Variants in MEGF11 observed in about 807,000 individuals in gnomAD.
MEGF11 encodes multiple epidermal growth factor-like domains protein 11.
MEGF11 carries 126 observed loss-of-function variants against 146.6 expected under a neutral mutation model. That is an observed-to-expected ratio of 0.86 (90% CI 0.74 to 1.00). The LOEUF is 1.00. MEGF11 is among the 50% of genes least tolerant of loss of function. MEGF11 has a pLI of 0.00. For missense variants in MEGF11, 1,509 were observed against 1,521.2 expected, an observed-to-expected ratio of 0.99 and a Z score of 0.13; for synonymous variants, 532 against 583.4, an observed-to-expected ratio of 0.91 and a Z score of 1.27.
At chr15:66,155,370 G>T (rs2089720102) in intron 1 of MEGF11, among the ~76,000 whole-genome samples, 1 of 152,190 alleles carries the variant, frequency 6.6e-6, no homozygotes, top group South Asian at 2.1e-4. Flanking sequence ...AAGAGGCCGG[G>T]TGAACCCTAA....
At chr15:66,112,807 G>C (rs1725860387) in intron 4 of MEGF11, among the ~76,000 whole-genome samples, 1 of 152,132 alleles carries the variant, frequency 6.6e-6, no homozygotes, top group East Asian at 1.9e-4. Flanking sequence ...AATGTCACAG[G>C]CAGCTTAACT....
chr15:66,122,810 G>T (rs1349345556), intron 3 of MEGF11, among the ~76,000 whole-genome samples: 3 of 151,918 alleles, frequency 2.0e-5, no homozygotes, highest in Non-Finnish European at 4.4e-5. Flanking sequence ...AGAGAGTCTC[G>T]CTCTGTCGCC....
chr15:65,913,423 A>C, intron 20 of MEGF11: 2 of 468,082 alleles, frequency 4.3e-6, no homozygotes, highest in East Asian at 3.7e-5. Context: ...AGTCCTCTGG[A>C]GAGCTTAGGA....
At chr15:66,121,807 T>C (rs2088038709) in intron 3 of MEGF11, among the ~76,000 whole-genome samples, 1 of 152,232 alleles carries the variant, frequency 6.6e-6, no homozygotes, top group Non-Finnish European at 1.5e-5. Flanking sequence ...GCTAAAAATA[T>C]TAAACTTTCA....
Position 65,909,754 on chromosome 15 carries a change from T to G in MEGF11, c.2882A>C (p.Tyr961Ser), listed in dbSNP as rs756843404. ...CCACTACTGACCTAACACGTTCACATAGCTGTAGGGGGTCCAGCCTGCTGT... is the reference window on the plus strand; with the variant it reads ...CCACTACTGACCTAACACGTTCACAGAGCTGTAGGGGGTCCAGCCTGCTGT... Reference protein sequence around the residue: ...RDTAGWTPYSYVNVLDSHFQI... With the variant: ...RDTAGWTPYSSVNVLDSHFQI... The change falls in exon 22 of 26, where the codon TAT (tyrosine) becomes TCT (serine). Residue 961 changes from tyrosine to serine, a missense_variant. Transcript: ENST00000395614. 7.6e-6 allele frequency: 12 copies of G among 1,582,892 alleles called. No homozygotes were observed. Among genetic ancestry groups the G allele is most frequent in the Non-Finnish European group, 1.0e-5 (12 of 1,172,228 alleles).
rs113724857 is a variant in MEGF11 at position 66,127,027 on chromosome 15, C to T, written c.98+1279G>A. On this transcript the variant is annotated intron_variant, in intron 2 of 25. Transcript: ENST00000395614. ...CAACAAGAAAAGACAGTAACTGACG[C>T]TTATGGCCCTCAAAGCACTTTTGTG... is the stretch of plus-strand genomic sequence containing the variant. Among the ~76,000 whole-genome samples the T allele has an allele frequency of 3.0e-3, 451 of 152,314 alleles. 1 individual carries two copies. Among genetic ancestry groups the T allele is most frequent in the African/African-American group, 0.01 (432 of 41,562 alleles).
At chr15:66,049,244 T>G (rs971702414) in intron 5 of MEGF11, among the ~76,000 whole-genome samples, 6 of 152,188 alleles carry the variant, frequency 3.9e-5, no homozygotes, top group Non-Finnish European at 8.8e-5. Context: ...TAGTCCCTAT[T>G]ATCTTCCTCA....
intron 4 of MEGF11, among the ~76,000 whole-genome samples, chr15:66,094,796 C>T (rs191573126): frequency 1.9e-3 from 282 of 152,204 alleles, no homozygotes; most frequent in African/African-American, 6.6e-3. Context: ...CAACAGAGAC[C>T]GCCGCAAACC....
intron 5 of MEGF11, among the ~76,000 whole-genome samples, chr15:66,010,278 C>T (rs530831602): frequency 1.3e-5 from 2 of 151,822 alleles, no homozygotes; most frequent in South Asian, 2.1e-4. Flanking sequence ...CTGCAACCTC[C>T]GCCTCCTGGA....
At chr15:66,115,864 G>A (rs1344322344) in intron 4 of MEGF11, among the ~76,000 whole-genome samples, 6 of 152,200 alleles carry the variant, frequency 3.9e-5, no homozygotes, top group African/African-American at 7.2e-5. Flanking sequence ...GAGAGAGGCT[G>A]GAACAGACCC....
At chr15:66,201,346 T>C (rs917616420) in intron 1 of MEGF11, among the ~76,000 whole-genome samples, 3 of 152,032 alleles carry the variant, frequency 2.0e-5, no homozygotes, top group Non-Finnish European at 4.4e-5. Context: ...AGAGGCTGTT[T>C]CGAGGCTGCA....
intron 8 of MEGF11, 128 bp downstream of exon 8, chr15:65,970,425 A>T: frequency 9.8e-7 from 1 of 1,023,594 alleles, no homozygotes; most frequent in South Asian, 1.7e-5. Flanking sequence ...CTGGCAGGAG[A>T]GCTCAGAGTG....
intron 1 of MEGF11, among the ~76,000 whole-genome samples, chr15:66,174,251 G>A (rs561149264): frequency 1.3e-5 from 2 of 152,338 alleles, no homozygotes; most frequent in South Asian, 2.1e-4. Flanking sequence ...CCAAAGGGAA[G>A]GATAAGGCCA....
At chr15:66,215,099 C>A (rs1000251906) in intron 1 of MEGF11, among the ~76,000 whole-genome samples, 1 of 152,204 alleles carries the variant, frequency 6.6e-6, no homozygotes, top group Non-Finnish European at 1.5e-5. Context: ...CACACTCATA[C>A]GCGCTCTCTG....
chr15:66,039,703 G>A (rs754493475), intron 5 of MEGF11, among the ~76,000 whole-genome samples: 9 of 152,150 alleles, frequency 5.9e-5, no homozygotes, highest in Admixed American at 1.3e-4. Context: ...CTCAAAGCCC[G>A]GCACCTCCAG....
intron 20 of MEGF11, among the ~76,000 whole-genome samples, chr15:65,913,084 C>T (rs2078867151): frequency 6.6e-6 from 1 of 152,174 alleles, no homozygotes; most frequent in African/African-American, 2.4e-5. Flanking sequence ...GGCAGCAGTC[C>T]AGGGTTCAGG....
intron 5 of MEGF11, among the ~76,000 whole-genome samples, chr15:66,005,400 A>G (rs1754977188): frequency 6.6e-6 from 1 of 152,208 alleles, no homozygotes; most frequent in East Asian, 1.9e-4. Flanking sequence ...CAGGTGATAG[A>G]ATGCTTGAAA....
chr15:65,915,895 C>A (rs2078981794), intron 18 of MEGF11, among the ~76,000 whole-genome samples: 1 of 152,050 alleles, frequency 6.6e-6, no homozygotes, highest in Non-Finnish European at 1.5e-5. Flanking sequence ...AAAAAAAAAT[C>A]CTGCCTCCCA....
intron 5 of MEGF11, among the ~76,000 whole-genome samples, chr15:66,004,477 T>C (rs569341164): frequency 6.6e-6 from 1 of 152,150 alleles, no homozygotes; most frequent in African/African-American, 2.4e-5. Flanking sequence ...TATTAATATT[T>C]GTTCAGTCTG....
Sources: gnomAD v4.1 joint callset for allele counts (sites outside exome capture counted in the v4.1 genomes callset) on GRCh38, gnomAD v4.1.1 for gene constraint, MANE v1.5 for transcripts, NCBI Gene and HGNC (gene_info 2026-07-23, HGNC 2026-07-21) for gene names.